Variants in TMEM33 observed in about 807,000 individuals in gnomAD.
The protein encoded by TMEM33 is transmembrane protein 33.
In TMEM33, 16 loss-of-function variants were observed where a neutral mutation model predicts 29.7. The observed-to-expected ratio is 0.54, with a 90% confidence interval of 0.36 to 0.82. The LOEUF is 0.82. Among genes scored for constraint, TMEM33 ranks in the 40% least tolerant of loss-of-function variants. TMEM33 has a pLI of 0.00. For missense variants in TMEM33, 252 were observed against 295.3 expected (o/e 0.85, Z 1.08); for synonymous variants, 112 against 109.4 (o/e 1.02, Z -0.15).
Position 41,955,324 on chromosome 4 carries a change from GTAT to G in TMEM33, c.*1130_*1132del, listed in dbSNP as rs1359159808. 1.3e-5 allele frequency: 2 copies of G among 152,426 alleles called. No individual in the cohort carries two copies. The highest frequency in any genetic ancestry group is 6.5e-5 in the Admixed American group (1 of 15,274). The allele number at this position is 152,426 out of a possible 1,614,324, so 9.4% of individuals were successfully genotyped here. A position where few individuals can be genotyped will look rare whatever the true frequency, so the allele number is the denominator to read the frequency against. On this transcript the variant is annotated 3_prime_UTR_variant, in exon 7 of 7. Transcript: ENST00000504986. ...ATAGATAAATTTAGGGGAATTGGATGTATTATTCAACTTTGATTTGGGTTGTAA... is the reference window on the plus strand; with the variant it reads ...ATAGATAAATTTAGGGGAATTGGATGTATTCAACTTTGATTTGGGTTGTAA...
chr4:41,955,469 A>ATTAC lies in TMEM33; in HGVS notation c.*1270_*1271insTTAC, dbSNP rs1713226101. 6.6e-6 allele frequency: 1 copy of ATTAC among 152,596 alleles called. No homozygotes were observed. The highest frequency in any genetic ancestry group is 2.1e-4 in the South Asian group (1 of 4,828). 9.5% of individuals were successfully genotyped at this position (152,596 alleles called of 1,614,324 possible). ...ACATTGTACAGTTTTAGTATAGAGA[A>ATTAC]ATGTAATGGTTTTTGTGACCAGTTT... On this transcript the variant is annotated 3_prime_UTR_variant, in exon 7 of 7. Coordinates refer to ENST00000504986, the MANE Select transcript of TMEM33 (RefSeq NM_018126.3).
intron 3 of TMEM33, among the ~76,000 whole-genome samples, chr4:41,940,022 A>G (rs569827258): frequency 4.8e-5 from 7 of 145,284 alleles, no homozygotes; most frequent in African/African-American, 1.8e-4. Context: ...AAGAGGTTCT[A>G]TAGTGAACAC....
upstream of TMEM33, chr4:41,935,221 T>C: frequency 1.7e-6 from 1 of 575,414 alleles, no homozygotes; most frequent in South Asian, 2.0e-5. Flanking sequence ...TTCGCTCCCG[T>C]CTTTCTGGAA....
At chr4:41,940,314 A>G (rs1712476944) in intron 3 of TMEM33, among the ~76,000 whole-genome samples, 2 of 151,952 alleles carry the variant, frequency 1.3e-5, no homozygotes, top group African/African-American at 4.8e-5. Context: ...GTGCATTGAG[A>G]AGTGCTGGTC....
intron 3 of TMEM33, among the ~76,000 whole-genome samples, chr4:41,942,261 T>C (rs550165834): frequency 6.6e-6 from 1 of 152,336 alleles, no homozygotes; most frequent in East Asian, 1.9e-4. Context: ...CATTAAAAAA[T>C]TTAAAACTTT....
intron 3 of TMEM33, among the ~76,000 whole-genome samples, chr4:41,940,046 CTT>C (rs71650953): frequency 0.011 from 912 of 81,352 alleles, 11 homozygotes; most frequent in African/African-American, 0.025. Context: ...GTTAAACTTT[CTT>C]TTTTTTTTTT....
rs1027185037 is a variant in TMEM33, at chr4:41,960,577, A to G, written c.*6378A>G. 6.6e-6 allele frequency: 1 copy of G among 152,186 alleles called. No homozygotes were observed. Among genetic ancestry groups the G allele is most frequent in the Non-Finnish European group, 1.5e-5 (1 of 67,992 alleles). 9.4% of individuals were successfully genotyped at this position (152,186 alleles called of 1,614,324 possible). A position where few individuals can be genotyped will look rare whatever the true frequency, so the allele number is the denominator to read the frequency against. Reference sequence around the variant, plus strand: ...GGAATTTAGCAGATACAAAAATGTTATCTTGCAAAAGAACTAAGAACATTT... The same window carrying G: ...GGAATTTAGCAGATACAAAAATGTTGTCTTGCAAAAGAACTAAGAACATTT... On this transcript the variant is annotated 3_prime_UTR_variant, in exon 7 of 7. Coordinates refer to ENST00000504986, the MANE Select transcript of TMEM33 (RefSeq NM_018126.3).
chr4:41,960,081 A>T lies in TMEM33; in HGVS notation c.*5882A>T, dbSNP rs1186344703. 1 of 152,182 alleles carries T rather than the reference A, an allele frequency of 6.6e-6. No individual in the cohort carries two copies. Among genetic ancestry groups the T allele is most frequent in the East Asian group, 1.9e-4 (1 of 5,196 alleles). 9.4% of individuals were successfully genotyped at this position (152,182 alleles called of 1,614,324 possible). On this transcript the variant is annotated 3_prime_UTR_variant, in exon 7 of 7. Transcript: ENST00000504986. Reference sequence around the variant, plus strand: ...ACATAAATGCTAATGTAGGGCTCAGAGGGGAAATACAGTTCTCCTGCATAT... The same window carrying T: ...ACATAAATGCTAATGTAGGGCTCAGTGGGGAAATACAGTTCTCCTGCATAT...
At chr4:41,950,863 G>A (rs1408126387) in intron 6 of TMEM33, among the ~76,000 whole-genome samples, 1 of 151,828 alleles carries the variant, frequency 6.6e-6, no homozygotes, top group Non-Finnish European at 1.5e-5. Context: ...AATCATATTA[G>A]TACATCTAGA....
chr4:41,935,588 G>A, intron 1 of TMEM33, 59 bp downstream of exon 1: 1 of 1,541,664 alleles, frequency 6.5e-7, no homozygotes, highest in Non-Finnish European at 8.8e-7. Context: ...GAAGCAGGAA[G>A]CGTTGCGAGT....
upstream of TMEM33, chr4:41,935,257 G>A: frequency 1.6e-6 from 1 of 618,546 alleles, no homozygotes; most frequent in Non-Finnish European, 2.9e-6. Context: ...CGGCGGTGCG[G>A]GACAGGTACC....
chr4:41,942,563 C>G (rs1712589620), intron 3 of TMEM33, among the ~76,000 whole-genome samples: 1 of 151,972 alleles, frequency 6.6e-6, no homozygotes, highest in Non-Finnish European at 1.5e-5. Context: ...TGGTTCATTT[C>G]TTAGGAACTG....
At chr4:41,953,977 A>C in intron 6 of TMEM33, 93 bp from the exon 7 acceptor site, 8 of 1,515,616 alleles carry the variant, frequency 5.3e-6, no homozygotes, top group Non-Finnish European at 7.2e-6. Context: ...CAATTTGTAA[A>C]AAATGAAATA....
chr4:41,937,938 G>A (rs1291528492), intron 1 of TMEM33, among the ~76,000 whole-genome samples: 1 of 152,148 alleles, frequency 6.6e-6, no homozygotes, highest in Admixed American at 6.5e-5. Flanking sequence ...ACATGGAGGT[G>A]ATAAAGAGAG....
At chr4:41,948,216 A>G (rs1262305007) in intron 5 of TMEM33, among the ~76,000 whole-genome samples, 11 of 152,190 alleles carry the variant, frequency 7.2e-5, no homozygotes, top group Admixed American at 7.2e-4. Flanking sequence ...AGTGAGCACT[A>G]TCAATGTTAG....
intron 3 of TMEM33, among the ~76,000 whole-genome samples, chr4:41,940,120 A>G (rs1712465973): frequency 6.8e-6 from 1 of 147,090 alleles, no homozygotes; most frequent in Non-Finnish European, 1.5e-5. Context: ...TGCCTCCCAA[A>G]GTGCTGGGAT....
chr4:41,938,407 A>G (rs1712352693), intron 1 of TMEM33, among the ~76,000 whole-genome samples, 195 bp from the exon 2 acceptor site: 2 of 152,214 alleles, frequency 1.3e-5, no homozygotes, highest in African/African-American at 4.8e-5. Context: ...CCACATGAAA[A>G]CTATAAGGTG....
intron 6 of TMEM33, among the ~76,000 whole-genome samples, chr4:41,950,602 C>CT (rs1384472550): frequency 2.0e-5 from 3 of 152,160 alleles, no homozygotes; most frequent in South Asian, 2.1e-4. Context: ...TAGACAATGT[C>CT]TTTTTTATAA....
rs1486213520 is a variant in TMEM33, at chr4:41,956,187, G to C, written c.*1988G>C. 6.6e-6 allele frequency: 1 copy of C among 152,000 alleles called. No individual in the cohort carries two copies. The highest frequency in any genetic ancestry group is 1.9e-4 in the East Asian group (1 of 5,172). The allele number at this position is 152,000 out of a possible 1,614,324, so 9.4% of individuals were successfully genotyped here. A position where few individuals can be genotyped will look rare whatever the true frequency, so the allele number is the denominator to read the frequency against. On this transcript the variant is annotated 3_prime_UTR_variant, in exon 7 of 7. Coordinates refer to ENST00000504986, the MANE Select transcript of TMEM33 (RefSeq NM_018126.3). ...ATACAAAATTTTAGTATTTTTAGTAGAGACAGGGTTTCACCATGTTGGCCA... is the reference window on the plus strand; with the variant it reads ...ATACAAAATTTTAGTATTTTTAGTACAGACAGGGTTTCACCATGTTGGCCA...
Sources: allele counts gnomAD v4.1 joint callset (sites outside exome capture counted in the v4.1 genomes callset), GRCh38; gene constraint gnomAD v4.1.1; transcripts MANE v1.5; gene names NCBI Gene and HGNC (gene_info 2026-07-23, HGNC 2026-07-21).